ITGB4: variants seen among roughly 807,000 people sequenced by gnomAD.
ITGB4 encodes the protein integrin subunit beta 4, also known as integrin beta-4.
In ITGB4, 159 loss-of-function variants were observed where a neutral mutation model predicts 207.6. The ratio of observed to expected loss-of-function variants is 0.77; its 90% CI spans 0.67 to 0.87. ITGB4 has a LOEUF of 0.87. ITGB4 is among the 40% of genes least tolerant of loss of function. ITGB4 has a pLI of 0.00. For synonymous variants in ITGB4, 1,020 were observed against 1,062.7 expected, an observed-to-expected ratio of 0.96 and a Z score of 0.78; for missense variants, 2,278 against 2,546.8, an observed-to-expected ratio of 0.89 and a Z score of 2.27.
chr17:75,750,275 C>G lies in ITGB4; in HGVS notation c.3474+7C>G. The G allele has an allele frequency of 6.2e-7, 1 of 1,606,732 alleles. No homozygotes were observed. The highest frequency in any genetic ancestry group is 1.7e-4 in the Middle Eastern group (1 of 6,018). The stretch of plus-strand genomic sequence containing the variant: ...CAAGCCAATGGGGTACAGGGTAAGG[C>G]GGGGGGCTGAGGGTCACGACAGGTG... On this transcript the variant is annotated splice_region_variant and intron_variant, in intron 28 of 39. Transcript: ENST00000200181. The surrounding 1 kb of genome is among the most constrained non-coding windows in gnomAD (Gnocchi z 5.5).
chr17:75,734,614 A>C (rs533671412), intron 13 of ITGB4, among the ~76,000 whole-genome samples: 7 of 152,294 alleles, frequency 4.6e-5, no homozygotes, highest in African/African-American at 1.7e-4. Context: ...ATGGAGGAGG[A>C]TGAATGAAAA....
At chr17:75,753,673 T>A (rs1228095010) in intron 32 of ITGB4, 92 bp from the exon 33 acceptor site, 2 of 829,792 alleles carry the variant, frequency 2.4e-6, no homozygotes, top group Non-Finnish European at 3.2e-6. Context: ...GGAGACGGGC[T>A]CCCCTCGCAG....
At chr17:75,746,694 C>G (rs1004043161) in intron 26 of ITGB4, among the ~76,000 whole-genome samples, 2 of 151,182 alleles carry the variant, frequency 1.3e-5, no homozygotes, top group Non-Finnish European at 2.9e-5. Flanking sequence ...AATCCCAGCA[C>G]TTTGGGAGGC....
Position 75,731,729 on chromosome 17 carries a change from TG to T in ITGB4, c.1216-78del. On this transcript the variant is annotated intron_variant, in intron 10 of 39. Transcript: ENST00000200181. The surrounding 1 kb of genome is among the most constrained non-coding windows in gnomAD (Gnocchi z 6.8). Reference sequence around the variant, plus strand: ...GGGATCCAGACATCTCCTAGGAACTTGGGGGCCGAGGGCCTTCAGGCATCGA... The same window carrying T: ...GGGATCCAGACATCTCCTAGGAACTTGGGGCCGAGGGCCTTCAGGCATCGA... The T allele has an allele frequency of 7.0e-7, 1 of 1,431,336 alleles. No individual in the cohort carries two copies. Among genetic ancestry groups the T allele is most frequent in the Non-Finnish European group, 9.3e-7 (1 of 1,070,666 alleles). 88.7% of individuals were successfully genotyped at this position (1,431,336 alleles called of 1,614,324 possible).
At position 75,739,857 on chromosome 17, in the gene ITGB4, G is replaced by T. The variant is rs200827654; in HGVS notation, c.2255-23G>T. On this transcript the variant is annotated intron_variant, in intron 19 of 39. Coordinates refer to ENST00000200181, the MANE Select transcript of ITGB4 (RefSeq NM_000213.5). The surrounding 1 kb of genome is among the most constrained non-coding windows in gnomAD (Gnocchi z 5.4). ...CTGTGCGGGTCTAGGGAGGGGTGCC[G>T]TGCTGAGGACCCCATCCTGCAGGTC... is the stretch of plus-strand genomic sequence containing the variant. The T allele has an allele frequency of 2.5e-4, 411 of 1,612,964 alleles. 1 individual carries two copies. The highest frequency in any genetic ancestry group is 3.1e-4 in the Non-Finnish European group (371 of 1,179,412).
chr17:75,750,583 G>T lies in ITGB4; in HGVS notation c.3475-97G>T. The T allele has an allele frequency of 8.8e-7, 1 of 1,133,574 alleles. No individual in the cohort carries two copies. The allele number at this position is 1,133,574 out of a possible 1,614,324, so 70.2% of individuals were successfully genotyped here. On this transcript the variant is annotated intron_variant, in intron 28 of 39. Transcript: ENST00000200181. The surrounding 1 kb of genome is among the most constrained non-coding windows in gnomAD (Gnocchi z 5.5). ...TCAGCCCCTCCCTCGGGCCTCATCT[G>T]TGCAAAGAGGACAGTAAGGGCAGAG...
chr17:75,729,297 C>A lies in ITGB4; in HGVS notation c.599C>A (p.Pro200His), dbSNP rs148770294. The A allele has an allele frequency of 7.4e-6, 12 of 1,614,094 alleles. No homozygotes were observed. The highest frequency in any genetic ancestry group is 4.5e-5 in the East Asian group (2 of 44,900). The change falls in exon 7 of 40, where the codon CCC (proline) becomes CAC (histidine). Residue 200 changes from proline (P) to histidine (H), a missense_variant. Physicochemically the swap from Pro to His is moderately conservative, Grantham distance 77. Coordinates refer to ENST00000200181, the MANE Select transcript of ITGB4 (RefSeq NM_000213.5). The surrounding 1 kb of genome is among the most constrained non-coding windows in gnomAD (Gnocchi z 4.4). ...LKEPWPNSDP[P>H]FSFKNVISLT... The stretch of plus-strand genomic sequence containing the variant: ...GAGCCCTGGCCCAACAGTGACCCCC[C>A]CTTCTCCTTCAAGAACGTCATCAGC...
intron 34 of ITGB4, 26 bp downstream of exon 34, chr17:75,754,841 T>C (rs750695164): frequency 5.6e-6 from 9 of 1,613,864 alleles, no homozygotes; most frequent in Non-Finnish European, 7.6e-6. Flanking sequence ...CAACCCTGCC[T>C]CTCCCACTAA....
In ITGB4 at chr17:75,742,622, G is replaced by A; in HGVS notation, c.2823G>A (p.Leu941=). Residue 941 remains leucine (L), a synonymous_variant, in exon 25 of 40, where the codon CTG becomes CTA. Transcript: ENST00000200181. The surrounding 1 kb of genome is among the most constrained non-coding windows in gnomAD (Gnocchi z 5.9). ...GMVEFQEGVE[L]VDVRVPLFIR... is the part of the protein sequence containing the mutation. ...TGGAGTTCCAGGAGGGCGTGGAGCT[G>A]GTGGACGTACGGGTGCCCCTCTTTA... 6.2e-7 allele frequency: 1 copy of A among 1,614,068 alleles called. No individual in the cohort carries two copies. The highest frequency in any genetic ancestry group is 1.6e-4 in the Middle Eastern group (1 of 6,062).
rs959018423 is a variant in ITGB4 at position 75,743,237 on chromosome 17, C to CT, written c.2963-466dup. 6.0e-4 allele frequency among the ~76,000 whole-genome samples: 90 copies of CT among 150,096 alleles called. 1 individual carries two copies. In the South Asian group the frequency reaches 0.014, roughly 24 times the overall value. ...TGCTGGACACTTTGTTCCAGAACCA[C>CT]TTTTTTTTTTCTTGGGACAGAGTCT... On this transcript the variant is annotated intron_variant, in intron 25 of 39. Coordinates refer to ENST00000200181, the MANE Select transcript of ITGB4 (RefSeq NM_000213.5).
rs2061124144 is a variant in ITGB4 at position 75,742,069 on chromosome 17, A to G, written c.2634-272A>G. ...TGGCCTGAGCACACACACCCTTAGC[A>G]TCTTTGCTGTCCAGCCCTTGATGAG... is the stretch of plus-strand genomic sequence containing the variant. On this transcript the variant is annotated intron_variant, in intron 23 of 39. Coordinates refer to ENST00000200181, the MANE Select transcript of ITGB4 (RefSeq NM_000213.5). This position sits in a 1 kb window ranked among gnomAD's most constrained non-coding sequence, Gnocchi z 5.9. Among the ~76,000 whole-genome samples, 1 of 152,212 alleles carries G rather than the reference A, an allele frequency of 6.6e-6. No individual in the cohort carries two copies. Among genetic ancestry groups the G allele is most frequent in the Admixed American group, 6.5e-5 (1 of 15,284 alleles).
At position 75,744,722 on chromosome 17, in the gene ITGB4, A is replaced by T. The variant is rs577474530; in HGVS notation, c.3111+861A>T. ...CCCAGTGCTGGGGTACAGCCAAATCAGGTGGCACACAGGCTGGACTGGGTT... is the reference window on the plus strand; with the variant it reads ...CCCAGTGCTGGGGTACAGCCAAATCTGGTGGCACACAGGCTGGACTGGGTT... On this transcript the variant is annotated intron_variant, in intron 26 of 39. Transcript: ENST00000200181. 1.1e-3 allele frequency among the ~76,000 whole-genome samples: 169 copies of T among 152,286 alleles called. 3 individuals are homozygous for T. Among genetic ancestry groups the T allele is most frequent in the Admixed American group, 0.01 (159 of 15,302 alleles).
chr17:75,749,357 G>A (rs917438485), intron 27 of ITGB4, among the ~76,000 whole-genome samples: 4 of 150,748 alleles, frequency 2.7e-5, no homozygotes, highest in South Asian at 2.1e-4. Flanking sequence ...GTGAGACCTC[G>A]TCTCTACAAA....
rs759664935 is a variant in ITGB4 at position 75,756,552 on chromosome 17, A to G, written c.4832A>G (p.Glu1611Gly). Residue 1611 changes from glutamate to glycine, a missense_variant, in exon 36 of 40, where the codon GAG becomes GGG. Physicochemically the swap from Glu to Gly is moderately conservative, Grantham distance 98 (BLOSUM62 -2). Transcript: ENST00000200181. Reference protein sequence around the residue: ...RAQSQEGWGREREGVITIESQ... With the variant: ...RAQSQEGWGRGREGVITIESQ... ...CAGAGCCAGGAAGGCTGGGGCCGAG[A>G]GCGTGAGGGTGTCATCACCATTGAA... The G allele has an allele frequency of 8.1e-6, 13 of 1,613,116 alleles. No individual in the cohort carries two copies. The highest frequency in any genetic ancestry group is 6.7e-5 in the East Asian group (3 of 44,894).
In ITGB4 at chr17:75,742,730, C is replaced by A; in HGVS notation, c.2931C>A (p.Arg977=). 6.2e-7 allele frequency: 1 copy of A among 1,612,394 alleles called. No homozygotes were observed. Among genetic ancestry groups the A allele is most frequent in the Non-Finnish European group, 8.5e-7 (1 of 1,179,996 alleles). The change falls in exon 25 of 40, where the codon CGC becomes CGA. Residue 977 remains arginine, a synonymous_variant. Transcript: ENST00000200181. This position sits in a 1 kb window ranked among gnomAD's most constrained non-coding sequence, Gnocchi z 5.9. The stretch of plus-strand genomic sequence containing the variant: ...CAGGCACTGCCACCCTCGGCCGCCG[C>A]CTGGTAAACATCACCATCATCAAGG... ...VPAGTATLGR[R]LVNITIIKEQ...
intron 34 of ITGB4, 51 bp downstream of exon 34, chr17:75,754,866 C>T (rs2061452903): frequency 6.2e-7 from 1 of 1,612,682 alleles, no homozygotes; most frequent in Non-Finnish European, 8.5e-7. Context: ...TCCTCTCTTC[C>T]AGCTCCTGGA....
chr17:75,741,010 G>A lies in ITGB4; in HGVS notation c.2633+5G>A. On this transcript the variant is annotated splice_donor_5th_base_variant and intron_variant, in intron 23 of 39. Coordinates refer to ENST00000200181, the MANE Select transcript of ITGB4 (RefSeq NM_000213.5). The stretch of plus-strand genomic sequence containing the variant: ...GCAGCCCAATGCCGGGAAAAAGTGA[G>A]TAGAAGACTCGTGGGTGAGAGGGCC... 1 of 1,613,224 alleles carries A rather than the reference G, an allele frequency of 6.2e-7. No individual in the cohort carries two copies. The highest frequency in any genetic ancestry group is 8.5e-7 in the Non-Finnish European group (1 of 1,179,972).
At chr17:75,751,221 C>A in intron 30 of ITGB4, 110 bp downstream of exon 30, 1 of 1,279,372 alleles carries the variant, frequency 7.8e-7, no homozygotes, top group Non-Finnish European at 1.1e-6. Context: ...GTGCAGGGCA[C>A]TCGAGGCCTT....
At chr17:75,730,041 C>T (rs997222766) in intron 7 of ITGB4, among the ~76,000 whole-genome samples, 200 bp from the exon 8 acceptor site, 3 of 152,216 alleles carry the variant, frequency 2.0e-5, no homozygotes, top group African/African-American at 7.2e-5. Flanking sequence ...TTGCGGGGGC[C>T]GCATCTCCAG....
Sources: allele counts gnomAD v4.1 joint callset (sites outside exome capture counted in the v4.1 genomes callset), GRCh38; gene constraint gnomAD v4.1.1; non-coding constraint Gnocchi (gnomAD v3.1); transcripts MANE v1.5; gene names NCBI Gene and HGNC (gene_info 2026-07-23, HGNC 2026-07-21).